The following SLC6A19 variants were observed in gnomAD, a reference collection of about 807,000 sequenced individuals.
SLC6A19 encodes the protein solute carrier family 6 member 19, also known as sodium-dependent neutral amino acid transporter B(0)AT1.
In SLC6A19, 67 loss-of-function variants were observed where a neutral mutation model predicts 68.3. The observed-to-expected ratio is 0.98, with a 90% CI of 0.81 to 1.20. The LOEUF is 1.20. Among genes scored for constraint, SLC6A19 ranks in the 50% most tolerant of loss-of-function variants. The probability of loss-of-function intolerance (pLI) is 0.00; values close to 1 mark genes in which losing one functional copy is unlikely to be tolerated. For synonymous variants in SLC6A19, 392 were observed against 374.9 expected (o/e 1.05, Z -0.53); for missense variants, 813 against 851.6 (o/e 0.95, Z 0.56).
At position 1,220,449 on chromosome 5, in the gene SLC6A19, G is replaced by A. The variant is rs533663446; in HGVS notation, c.1539-702G>A. On this transcript the variant is annotated intron_variant, in intron 10 of 11. Transcript: ENST00000304460. ...AAAAGAGGAAGAAAAGAAATAATTGGACAGACTCAGTTAACATTGAGCAGG... is the reference window on the plus strand; with the variant it reads ...AAAAGAGGAAGAAAAGAAATAATTGAACAGACTCAGTTAACATTGAGCAGG... Among the ~76,000 whole-genome samples, 176 of 151,708 alleles carry A rather than the reference G, an allele frequency of 1.2e-3. 1 individual carries two copies. Among genetic ancestry groups the A allele is most frequent in the Admixed American group, 2.1e-3 (32 of 15,242 alleles).
chr5:1,219,288 G>C (rs1579517650), intron 9 of SLC6A19, among the ~76,000 whole-genome samples, 181 bp downstream of exon 9: 2 of 149,862 alleles, frequency 1.3e-5, no homozygotes, highest in Admixed American at 1.3e-4. Flanking sequence ...CCGGCCGTGT[G>C]TGCAGCCCCC....
chr5:1,208,651 G>C, intron 1 of SLC6A19, 95 bp from the exon 2 acceptor site: 1 of 1,567,522 alleles, frequency 6.4e-7, no homozygotes, highest in Non-Finnish European at 8.7e-7. Context: ...CGGCCATAGG[G>C]GCTGCAAGGT....
chr5:1,220,897 G>A (rs1172020355), intron 10 of SLC6A19, among the ~76,000 whole-genome samples: 1 of 152,128 alleles, frequency 6.6e-6, no homozygotes, highest in Non-Finnish European at 1.5e-5. Context: ...GGTGAGGGCG[G>A]GGCACCTCTG....
intron 1 of SLC6A19, among the ~76,000 whole-genome samples, chr5:1,202,632 T>C (rs933951474): frequency 1.3e-5 from 2 of 151,900 alleles, no homozygotes; most frequent in Non-Finnish European, 2.9e-5. Context: ...CAGCGGAAGG[T>C]CCAGGAGGGC....
At position 1,201,820 on chromosome 5, in the gene SLC6A19, G is replaced by T. The variant is rs146608591; in HGVS notation, c.170G>T (p.Arg57Leu). Residue 57 changes from arginine to leucine, a missense_variant, in exon 1 of 12, where the codon CGC (arginine) becomes CTC (leucine). By Grantham distance (102) the Arg-to-Leu change is moderately radical. Transcript: ENST00000304460. ...GFCVGLGNVWRFPYLCQSHGG... is the reference protein window; with the variant it reads ...GFCVGLGNVWLFPYLCQSHGG... Reference sequence around the variant, plus strand: ...TGCGTGGGCCTCGGCAACGTGTGGCGCTTCCCCTACCTGTGTCAGAGCCAC... The same window carrying T: ...TGCGTGGGCCTCGGCAACGTGTGGCTCTTCCCCTACCTGTGTCAGAGCCAC... The T allele has an allele frequency of 6.2e-7, 1 of 1,611,946 alleles. No homozygotes were observed. The highest frequency in any genetic ancestry group is 8.5e-7 in the Non-Finnish European group (1 of 1,179,862).
rs57667090 is a variant in SLC6A19 at position 1,209,036 on chromosome 5, T to TCTC, written c.343+153_343+155dup. ...TGGTGCAACAAAGGTCCCAGCTTCA[T>TCTC]CTCCTGGAGGCCTTTGGAAACTCCA... is the stretch of plus-strand genomic sequence containing the variant. On this transcript the variant is annotated intron_variant, in intron 2 of 11. Transcript: ENST00000304460. This position sits in a 1 kb window ranked among gnomAD's most constrained non-coding sequence, Gnocchi z 5.5. 329,736 of 1,098,982 alleles carry TCTC rather than the reference T, an allele frequency of 0.3. 54,738 individuals are homozygous for TCTC. Among genetic ancestry groups the TCTC allele is most frequent in the Admixed American group, 0.45 (16,226 of 36,250 alleles). The allele number at this position is 1,098,982 out of a possible 1,614,324, so 68.1% of individuals were successfully genotyped here.
chr5:1,210,640 G>T (rs1413846750), intron 3 of SLC6A19, 59 bp downstream of exon 3: 6 of 1,604,180 alleles, frequency 3.7e-6, no homozygotes, highest in East Asian at 2.2e-5. Context: ...GTCTCTCATA[G>T]CAGGCACATG....
rs140488701 is a variant in SLC6A19 at position 1,221,736 on chromosome 5, G to A, written c.1737G>A (p.Pro579=). ...EFPKSQKISY[P]NWVYVVVVIV... is the part of the protein sequence containing the mutation. ...CCAAATCCCAGAAGATCTCCTACCC[G>A]AACTGGGTGTATGTGGTGGTGGTGA... Residue 579 remains proline, a synonymous_variant, in exon 12 of 12, where the codon CCG becomes CCA. Coordinates refer to ENST00000304460, the MANE Select transcript of SLC6A19 (RefSeq NM_001003841.3). 240 of 1,614,058 alleles carry A rather than the reference G, an allele frequency of 1.5e-4. 3 individuals carry two copies. The African/African-American group carries it at 2.6e-3, about 17-fold the overall frequency.
intron 10 of SLC6A19, among the ~76,000 whole-genome samples, chr5:1,220,737 T>A (rs966395971): frequency 2.0e-5 from 3 of 151,932 alleles, no homozygotes; most frequent in African/African-American, 7.3e-5. Context: ...CAGAAGAGGG[T>A]TCAGCAGAGG....
At position 1,206,458 on chromosome 5, in the gene SLC6A19, C is replaced by T. The variant is rs114748318; in HGVS notation, c.203-2288C>T. 2.2e-3 allele frequency among the ~76,000 whole-genome samples: 293 copies of T among 134,432 alleles called. 2 individuals carry two copies. Among genetic ancestry groups the T allele is most frequent in the African/African-American group, 7.0e-3 (280 of 40,240 alleles). 88.2% of individuals were successfully genotyped at this position (134,432 alleles called of 152,430 possible). A position where few individuals can be genotyped will look rare whatever the true frequency, so the allele number is the denominator to read the frequency against. On this transcript the variant is annotated intron_variant, in intron 1 of 11. Transcript: ENST00000304460. ...TGTGTCTCTGTCTCTCACACATGTG[C>T]TGTGCCATCCCCTGAGGATGGTAGT...
chr5:1,212,452 T>C lies in SLC6A19; in HGVS notation c.631T>C (p.Cys211Arg). 1.2e-6 allele frequency: 2 copies of C among 1,610,540 alleles called. No homozygotes were observed. Among genetic ancestry groups the C allele is most frequent in the Non-Finnish European group, 1.7e-6 (2 of 1,179,878 alleles). Reference sequence around the variant, plus strand: ...CTGCGCATGGAGCGTCCTGTACATGTGCACCATCCGCGGCATCGAGACCAC... The same window carrying C: ...CTGCGCATGGAGCGTCCTGTACATGCGCACCATCCGCGGCATCGAGACCAC... Reference protein sequence around the residue: ...LACAWSVLYMCTIRGIETTGK... With the variant: ...LACAWSVLYMRTIRGIETTGK... The change falls in exon 4 of 12, where the codon TGC (cysteine) becomes CGC (arginine). Residue 211 changes from cysteine to arginine, a missense_variant. Transcript: ENST00000304460. The surrounding 1 kb of genome is among the most constrained non-coding windows in gnomAD (Gnocchi z 5.1).
intron 10 of SLC6A19, 137 bp downstream of exon 10, chr5:1,219,801 G>C (rs952216792): frequency 5.8e-6 from 7 of 1,198,178 alleles, no homozygotes; most frequent in Admixed American, 1.9e-5. Flanking sequence ...GGCCACAGAG[G>C]CTGGTGTAGA....
chr5:1,219,420 C>T (rs1468483766), intron 9 of SLC6A19, 85 bp from the exon 10 acceptor site: 11 of 1,568,786 alleles, frequency 7.0e-6, no homozygotes, highest in Non-Finnish European at 6.9e-6. Flanking sequence ...GCCATATGTG[C>T]AGCCCCCAGT....
In SLC6A19 at chr5:1,209,784, G is replaced by A. The variant is rs113117635; in HGVS notation, c.344-660G>A. Among the ~76,000 whole-genome samples the A allele has an allele frequency of 1.6e-4, 24 of 145,966 alleles. No homozygotes were observed. Among genetic ancestry groups the A allele is most frequent in the South Asian group, 1.1e-3 (5 of 4,656 alleles). On this transcript the variant is annotated intron_variant, in intron 2 of 11. Transcript: ENST00000304460. This position sits in a 1 kb window ranked among gnomAD's most constrained non-coding sequence, Gnocchi z 5.5. ...CTCTTCTCTCTCTTCCCCTATCTCC[G>A]TCTCTCCCCCTGTCTCTCTTCCCCA...
In SLC6A19 at chr5:1,209,375, G is replaced by A. The variant is rs1056446281; in HGVS notation, c.343+489G>A. ...CGGCTCATTAAGCCCTCAGAATATG[G>A]GCAGACGGTGAAAGACGGAGGAGGA... On this transcript the variant is annotated intron_variant, in intron 2 of 11. Coordinates refer to ENST00000304460, the MANE Select transcript of SLC6A19 (RefSeq NM_001003841.3). This position sits in a 1 kb window ranked among gnomAD's most constrained non-coding sequence, Gnocchi z 5.5. Among the ~76,000 whole-genome samples the A allele has an allele frequency of 5.9e-5, 9 of 152,184 alleles. No homozygotes were observed. The highest frequency in any genetic ancestry group is 1.3e-4 in the Non-Finnish European group (9 of 68,026).
intron 1 of SLC6A19, among the ~76,000 whole-genome samples, chr5:1,204,379 T>C (rs1449159341): frequency 6.6e-6 from 1 of 152,224 alleles, no homozygotes; most frequent in Non-Finnish European, 1.5e-5. Context: ...CACCTGGGCA[T>C]TCTCACCTGG....
chr5:1,208,068 T>G (rs1020769350), intron 1 of SLC6A19, among the ~76,000 whole-genome samples: 3 of 152,230 alleles, frequency 2.0e-5, no homozygotes, highest in Non-Finnish European at 2.9e-5. Context: ...AAATTTGCCA[T>G]TTTAATCATT....
chr5:1,206,298 GTCTGTGTGTGTGTCTCTCTGTCTCTTTT>G (rs959126579), intron 1 of SLC6A19, among the ~76,000 whole-genome samples: 2 of 139,490 alleles, frequency 1.4e-5, no homozygotes, highest in African/African-American at 6.8e-5. Context: ...CTCTGTTTCT[GTCTGTGTGTGTGTCTCTCTGTCTCTTTT>G]TCTGTGTGTC....
Position 1,213,577 on chromosome 5 carries a change from A to G in SLC6A19, c.774+4A>G. 6.2e-7 allele frequency: 1 copy of G among 1,610,974 alleles called. No individual in the cohort carries two copies. ...CGTCTTCCTCTTCACGCCCAACGTA[A>G]GTCCCCGAGGCTGCCCTGGGCCCAG... On this transcript the variant is annotated splice_donor_region_variant and intron_variant, in intron 5 of 11. Coordinates refer to ENST00000304460, the MANE Select transcript of SLC6A19 (RefSeq NM_001003841.3).
Sources: allele counts gnomAD v4.1 joint callset (sites outside exome capture counted in the v4.1 genomes callset), GRCh38; gene constraint gnomAD v4.1.1; non-coding constraint Gnocchi (gnomAD v3.1); transcripts MANE v1.5; gene names NCBI Gene and HGNC (gene_info 2026-07-23, HGNC 2026-07-21).